The following HIPK3 variants were observed in gnomAD, a reference collection of about 807,000 sequenced individuals.
HIPK3 encodes homeodomain interacting protein kinase 3.
HIPK3 carries 47 observed loss-of-function variants against 124.2 expected under a neutral mutation model. The ratio of observed to expected loss-of-function variants is 0.38; its 90% CI spans 0.30 to 0.48. The LOEUF (loss-of-function observed/expected upper bound fraction) is 0.48. Among genes scored for constraint, HIPK3 ranks in the 20% least tolerant of loss-of-function variants. HIPK3 has a pLI of 0.98. For synonymous variants in HIPK3, 482 were observed against 515.2 expected, an observed-to-expected ratio of 0.94 and a Z score of 0.87; for missense variants, 1,286 against 1,454.3, an observed-to-expected ratio of 0.88 and a Z score of 1.88.
In HIPK3 at chr11:33,353,646, G is replaced by C; in HGVS notation, c.*78G>C. On this transcript the variant is annotated 3_prime_UTR_variant, in exon 17 of 17. Coordinates refer to ENST00000303296, the MANE Select transcript of HIPK3 (RefSeq NM_005734.5). Reference sequence around the variant, plus strand: ...AACATGGTATTTAATATTAGCCATGGCACAAGAAAATTATTTTTGAATCAT... The same window carrying C: ...AACATGGTATTTAATATTAGCCATGCCACAAGAAAATTATTTTTGAATCAT... 1 of 988,926 alleles carries C rather than the reference G, an allele frequency of 1.0e-6. No individual in the cohort carries two copies. 61.3% of individuals were successfully genotyped at this position (988,926 alleles called of 1,614,324 possible). A position where few individuals can be genotyped will look rare whatever the true frequency, so the allele number is the denominator to read the frequency against.
chr11:33,299,956 AG>A (rs1488839982), intron 2 of HIPK3, among the ~76,000 whole-genome samples: 5 of 140,628 alleles, frequency 3.6e-5, no homozygotes, highest in Admixed American at 2.3e-4. Flanking sequence ...TGGGAGGCAG[AG>A]GTTGCGGTGA....
intron 2 of HIPK3, among the ~76,000 whole-genome samples, chr11:33,300,041 AAAAG>A (rs1314095635): frequency 3.5e-5 from 5 of 142,344 alleles, no homozygotes; most frequent in African/African-American, 1.1e-4. Flanking sequence ...AAAAAAAAAA[AAAAG>A]AAAGAAAGAA....
rs1853828516 is a variant in HIPK3 at position 33,356,764 on chromosome 11, T to C, written c.*3196T>C. On this transcript the variant is annotated 3_prime_UTR_variant, in exon 17 of 17. Coordinates refer to ENST00000303296, the MANE Select transcript of HIPK3 (RefSeq NM_005734.5). ...TTATTTGTTTTTGCTTTTACTCCTATGCTACACTAGTTTGCCATGTAGCAA... is the reference window on the plus strand; with the variant it reads ...TTATTTGTTTTTGCTTTTACTCCTACGCTACACTAGTTTGCCATGTAGCAA... 6.6e-6 allele frequency: 1 copy of C among 152,168 alleles called. No homozygotes were observed. 9.4% of individuals were successfully genotyped at this position (152,168 alleles called of 1,614,324 possible).
chr11:33,321,653 A>T (rs1852666275), intron 2 of HIPK3, among the ~76,000 whole-genome samples: 2 of 152,176 alleles, frequency 1.3e-5, no homozygotes, highest in Admixed American at 1.3e-4. Flanking sequence ...AACAGTGAGG[A>T]TGAGGAGGAG....
intron 15 of HIPK3, 129 bp from the exon 16 acceptor site, chr11:33,352,009 A>G: frequency 9.5e-7 from 1 of 1,056,986 alleles, no homozygotes; most frequent in South Asian, 1.5e-5. Context: ...GGAAACCATG[A>G]CCTCTCCTTT....
intron 1 of HIPK3, among the ~76,000 whole-genome samples, chr11:33,277,785 T>G (rs1191278110): frequency 6.6e-6 from 1 of 152,234 alleles, no homozygotes; most frequent in Admixed American, 6.5e-5. Context: ...TGTATAACAG[T>G]TCCTGTTGCC....
chr11:33,336,359 T>C (rs114902393), intron 3 of HIPK3, among the ~76,000 whole-genome samples: 2,438 of 152,252 alleles, frequency 0.016, 72 homozygotes, highest in African/African-American at 0.056. Flanking sequence ...TGTGTATATA[T>C]CAGTGTCTCA....
In HIPK3 at chr11:33,289,619, T is replaced by C. The variant is rs1851646159; in HGVS notation, c.1097+2108T>C. The stretch of plus-strand genomic sequence containing the variant: ...TACATAATAATCACATCAGGGTAAA[T>C]GGACTATCCATTGCTTCAAGCATTT... On this transcript the variant is annotated intron_variant, in intron 2 of 16. Coordinates refer to ENST00000303296, the MANE Select transcript of HIPK3 (RefSeq NM_005734.5). Among the ~76,000 whole-genome samples, 6 of 152,320 alleles carry C rather than the reference T, an allele frequency of 3.9e-5. 1 individual carries two copies. In the South Asian group the frequency reaches 1.2e-3, roughly 32 times the overall value.
intron 2 of HIPK3, among the ~76,000 whole-genome samples, chr11:33,320,512 G>C (rs1472402706): frequency 6.6e-6 from 1 of 152,180 alleles, no homozygotes; most frequent in East Asian, 1.9e-4. Context: ...AGAATGAGAA[G>C]AGATGGTAGA....
At chr11:33,283,204 G>A (rs1051196252) in intron 1 of HIPK3, among the ~76,000 whole-genome samples, 4 of 151,360 alleles carry the variant, frequency 2.6e-5, no homozygotes, top group Non-Finnish European at 2.9e-5. Context: ...TCTACCTCCC[G>A]GGTTCACGCC....
At chr11:33,326,797 A>G (rs1852824439) in intron 2 of HIPK3, among the ~76,000 whole-genome samples, 1 of 151,802 alleles carries the variant, frequency 6.6e-6, no homozygotes, top group African/African-American at 2.4e-5. Flanking sequence ...TCAGTCTCCC[A>G]AATAGCTGGG....
intron 1 of HIPK3, among the ~76,000 whole-genome samples, chr11:33,272,356 G>A (rs970960231): frequency 4.0e-5 from 6 of 151,200 alleles, no homozygotes; most frequent in African/African-American, 1.2e-4. Context: ...CCGAGATCGC[G>A]CCACTACACT....
intron 8 of HIPK3, among the ~76,000 whole-genome samples, chr11:33,346,925 A>G (rs934607457): frequency 6.6e-6 from 1 of 152,194 alleles, no homozygotes; most frequent in African/African-American, 2.4e-5. Flanking sequence ...GTGGTGGCTC[A>G]TGCCTGTGAT....
At chr11:33,310,266 G>A (rs371072801) in intron 2 of HIPK3, among the ~76,000 whole-genome samples, 39,861 of 97,102 alleles carry the variant, frequency 0.41, 6,572 homozygotes, top group Non-Finnish European at 0.51. Flanking sequence ...CTGTCTGTCT[G>A]TCTGTCTGTC....
intron 1 of HIPK3, among the ~76,000 whole-genome samples, chr11:33,261,120 T>C (rs187454069): frequency 1.0e-5 from 1 of 98,652 alleles, no homozygotes; most frequent in East Asian, 2.6e-4. Context: ...ATACATAAAA[T>C]ATATATTATA....
Position 33,286,896 on chromosome 11 carries a change from C to G in HIPK3, c.482C>G (p.Pro161Arg). The G allele has an allele frequency of 6.2e-7, 1 of 1,614,162 alleles. No individual in the cohort carries two copies. Among genetic ancestry groups the G allele is most frequent in the Non-Finnish European group, 8.5e-7 (1 of 1,180,032 alleles). Reference sequence around the variant, plus strand: ...ATGTTGCAAACCAACATGGGAAATCCAGTGACAGTTGTGACAGCTACCACA... The same window carrying G: ...ATGTTGCAAACCAACATGGGAAATCGAGTGACAGTTGTGACAGCTACCACA... Reference protein sequence around the residue: ...PAMLQTNMGNPVTVVTATTGS... With the variant: ...PAMLQTNMGNRVTVVTATTGS... Residue 161 changes from proline to arginine, a missense_variant, in exon 2 of 17, where the codon CCA (proline) becomes CGA (arginine). Transcript: ENST00000303296.
At chr11:33,281,539 A>C (rs1278048168) in intron 1 of HIPK3, among the ~76,000 whole-genome samples, 1 of 152,230 alleles carries the variant, frequency 6.6e-6, no homozygotes, top group Non-Finnish European at 1.5e-5. Flanking sequence ...ACATGTATGT[A>C]GTAAAAAAGG....
Position 33,347,976 on chromosome 11 carries a change from C to T in HIPK3, c.2269C>T (p.Pro757Ser). The T allele has an allele frequency of 1.2e-6, 2 of 1,614,172 alleles. No individual in the cohort carries two copies. Among genetic ancestry groups the T allele is most frequent in the East Asian group, 2.2e-5 (1 of 44,888 alleles). The change falls in exon 11 of 17, where the codon CCT becomes TCT. Residue 757 changes from proline (P) to serine (S), a missense_variant. By Grantham distance (74) the Pro-to-Ser change is moderately conservative (BLOSUM62 -1). Around this residue, in one of 3 missense-constraint regions of HIPK3, gnomAD observed 810 missense variants for 864.9 expected, o/e 0.94. Transcript: ENST00000303296. The part of the protein sequence containing the change: ...VGIAHVVWPQ[P>S]ATTKKNKQCQ... The stretch of plus-strand genomic sequence containing the variant: ...GATTGCACATGTTGTCTGGCCTCAG[C>T]CTGCCACTACCAAGAAAAATAAACA...
chr11:33,339,266 T>C, intron 5 of HIPK3, 84 bp from the exon 6 acceptor site: 2 of 1,001,046 alleles, frequency 2.0e-6, no homozygotes, highest in Admixed American at 4.2e-5. Flanking sequence ...TGTTGTGATT[T>C]TTGTTTTATT....
Sources: gnomAD v4.1 joint callset for allele counts (sites outside exome capture counted in the v4.1 genomes callset) on GRCh38, gnomAD v4.1.1 for gene constraint, gnomAD v4.1.1 regional missense constraint, MANE v1.5 for transcripts, NCBI Gene and HGNC (gene_info 2026-07-23, HGNC 2026-07-21) for gene names.